Variants in ESRRG observed in about 807,000 individuals in gnomAD.
ESRRG encodes the protein estrogen-related receptor gamma.
Under a neutral mutation model 44.0 loss-of-function variants are expected in ESRRG, and 13 were observed. The observed-to-expected ratio is 0.30, with a 90% CI of 0.19 to 0.47. The LOEUF (loss-of-function observed/expected upper bound fraction) is 0.47. Among genes scored for constraint, ESRRG ranks in the 20% least tolerant of loss-of-function variants. The pLI is 1.00. For missense variants in ESRRG, 395 were observed against 580.6 expected, an observed-to-expected ratio of 0.68 and a Z score of 3.29; for synonymous variants, 215 against 214.6, an observed-to-expected ratio of 1.00 and a Z score of -0.02.
At chr1:216,617,160 T>C (rs576081170) in intron 3 of ESRRG, among the ~76,000 whole-genome samples, 15 of 152,276 alleles carry the variant, frequency 9.9e-5, no homozygotes, top group South Asian at 6.2e-4. Flanking sequence ...TTTTATTAGA[T>C]TGGCCAGCTA....
At chr1:216,609,571 A>T (rs1253467674) in intron 3 of ESRRG, among the ~76,000 whole-genome samples, 1 of 152,234 alleles carries the variant, frequency 6.6e-6, no homozygotes, top group Non-Finnish European at 1.5e-5. Context: ...TAATTCAATA[A>T]TATCCATTTT....
At chr1:216,784,211 A>G (rs2094039032) in intron 2 of ESRRG, among the ~76,000 whole-genome samples, 1 of 151,926 alleles carries the variant, frequency 6.6e-6, no homozygotes, top group Admixed American at 6.6e-5. Context: ...GTGTTTTCTC[A>G]ATATTTTAAC....
At chr1:216,585,914 C>G (rs1427769114) in intron 3 of ESRRG, among the ~76,000 whole-genome samples, 1 of 152,078 alleles carries the variant, frequency 6.6e-6, no homozygotes, top group African/African-American at 2.4e-5. Flanking sequence ...GTTGTGGGTG[C>G]CTGTAGTCTC....
chr1:216,777,990 C>G (rs557409484), intron 2 of ESRRG, among the ~76,000 whole-genome samples: 2 of 152,162 alleles, frequency 1.3e-5, no homozygotes, highest in African/African-American at 4.8e-5. Context: ...TGCTAATGAT[C>G]AGAAAAGCAT....
intron 1 of ESRRG, among the ~76,000 whole-genome samples, chr1:216,956,503 C>T (rs1578645247): frequency 6.6e-6 from 1 of 152,158 alleles, no homozygotes; most frequent in African/African-American, 2.4e-5. Context: ...GTTTTGATCA[C>T]TATCGCTTTG....
upstream of ESRRG, among the ~76,000 whole-genome samples, chr1:216,723,891 G>A (rs1357995563): frequency 6.6e-6 from 1 of 152,114 alleles, no homozygotes; most frequent in Non-Finnish European, 1.5e-5. Flanking sequence ...AGGATTCTGC[G>A]GAAGGTAGAG....
chr1:217,093,821 A>C (rs917627077), upstream of ESRRG, among the ~76,000 whole-genome samples: 7 of 151,386 alleles, frequency 4.6e-5, no homozygotes, highest in African/African-American at 1.5e-4. Context: ...AAAACCCTAC[A>C]CTTTACAAAA....
intron 2 of ESRRG, among the ~76,000 whole-genome samples, chr1:216,840,877 AAGATCACTGATCAT>A (rs778485003): frequency 2.6e-5 from 4 of 152,196 alleles, no homozygotes; most frequent in African/African-American, 4.8e-5. Context: ...AATAACATCA[AAGATCACTGATCAT>A]AGATCACCAT....
At chr1:216,781,688 C>T (rs186389008) in intron 2 of ESRRG, among the ~76,000 whole-genome samples, 274 of 152,156 alleles carry the variant, frequency 1.8e-3, no homozygotes, top group Non-Finnish European at 3.0e-3. Flanking sequence ...AAATGGTCCT[C>T]TCTTCACTTC....
intron 1 of ESRRG, among the ~76,000 whole-genome samples, chr1:216,993,820 G>A (rs2076035565): frequency 6.6e-6 from 1 of 152,142 alleles, no homozygotes; most frequent in Middle Eastern, 3.2e-3. Context: ...TAATGATGAG[G>A]TTCTGCCTGA....
intron 1 of ESRRG, among the ~76,000 whole-genome samples, chr1:217,048,265 G>A (rs1219789411): frequency 6.6e-6 from 1 of 152,124 alleles, no homozygotes; most frequent in African/African-American, 2.4e-5. Flanking sequence ...GGCCACAGAG[G>A]GCTTGGGCTG....
At chr1:216,521,367 C>A (rs1270612058) in intron 5 of ESRRG, among the ~76,000 whole-genome samples, 1 of 151,762 alleles carries the variant, frequency 6.6e-6, no homozygotes, top group Admixed American at 6.6e-5. Flanking sequence ...CTATTCCCCT[C>A]CAAGGAAAAA....
At chr1:216,941,591 C>T (rs2576272) in intron 1 of ESRRG, among the ~76,000 whole-genome samples, 16,986 of 152,028 alleles carry the variant, frequency 0.11, 2,081 homozygotes, top group African/African-American at 0.31. Context: ...CGAGGGGAGA[C>T]GGTGGGGCAT....
intron 1 of ESRRG, among the ~76,000 whole-genome samples, chr1:216,708,417 T>A (rs2082871151): frequency 6.6e-6 from 1 of 152,218 alleles, no homozygotes; most frequent in Non-Finnish European, 1.5e-5. Context: ...TAGATCCACC[T>A]TATATAAATG....
chr1:216,628,435 AAG>A (rs1180756294), intron 3 of ESRRG, among the ~76,000 whole-genome samples: 1 of 152,176 alleles, frequency 6.6e-6, no homozygotes, highest in Non-Finnish European at 1.5e-5. Flanking sequence ...TCAAATCCTA[AAG>A]ACTCAAGCTA....
intron 1 of ESRRG, among the ~76,000 whole-genome samples, chr1:216,939,996 A>G (rs2064946820): frequency 6.6e-6 from 1 of 152,186 alleles, no homozygotes. Flanking sequence ...TTAGGGTTTC[A>G]AAGCATTTTC....
chr1:216,989,160 A>G (rs188590131), intron 1 of ESRRG, among the ~76,000 whole-genome samples: 1 of 152,236 alleles, frequency 6.6e-6, no homozygotes, highest in East Asian at 1.9e-4. Flanking sequence ...CTTTTTATTT[A>G]AAAAGGGAGA....
intron 1 of ESRRG, among the ~76,000 whole-genome samples, chr1:217,087,244 A>G (rs2092136110): frequency 6.6e-6 from 1 of 152,182 alleles, no homozygotes; most frequent in South Asian, 2.1e-4. Flanking sequence ...CCTCTCAGCA[A>G]CACTTTCCTA....
In ESRRG at chr1:216,504,735, T is replaced by C. The variant is rs899910067; in HGVS notation, c.*2204A>G. On this transcript the variant is annotated 3_prime_UTR_variant, in exon 7 of 7. Coordinates refer to ENST00000408911, the MANE Select transcript of ESRRG (RefSeq NM_001438.4). ...TCTATATTCTTGAAATATTCAAAGTTTTATTTCTAAGCTATACATTGGTAT... is the reference window on the plus strand; with the variant it reads ...TCTATATTCTTGAAATATTCAAAGTCTTATTTCTAAGCTATACATTGGTAT... The C allele has an allele frequency of 1.4e-4, 22 of 152,632 alleles. No homozygotes were observed. Among genetic ancestry groups the C allele is most frequent in the African/African-American group, 5.1e-4 (21 of 41,456 alleles). The allele number at this position is 152,632 out of a possible 1,614,324, so 9.5% of individuals were successfully genotyped here. A position where few individuals can be genotyped will look rare whatever the true frequency, so the allele number is the denominator to read the frequency against.
Sources: gnomAD v4.1 joint callset for allele counts (sites outside exome capture counted in the v4.1 genomes callset) on GRCh38, gnomAD v4.1.1 for gene constraint, MANE v1.5 for transcripts, NCBI Gene and HGNC (gene_info 2026-07-23, HGNC 2026-07-21) for gene names.